Variants in SGCZ observed in about 807,000 individuals in gnomAD.
SGCZ encodes sarcoglycan zeta.
A neutral mutation model predicts 41.3 loss-of-function variants in SGCZ; 40 were observed. The observed-to-expected ratio is 0.97, with a 90% CI of 0.75 to 1.26. The LOEUF (loss-of-function observed/expected upper bound fraction) is 1.26. Ranked by LOEUF, SGCZ falls within the 50% of genes most tolerant of loss-of-function variation. The probability of loss-of-function intolerance (pLI) is 0.00; values close to 1 mark genes in which losing one functional copy is unlikely to be tolerated. For missense variants in SGCZ, 552 were observed against 369.8 expected (o/e 1.49, Z -4.04); for synonymous variants, 206 against 137.5 (o/e 1.50, Z -3.49).
chr8:14,388,613 C>A (rs1189566132), intron 2 of SGCZ, among the ~76,000 whole-genome samples: 2 of 151,728 alleles, frequency 1.3e-5, no homozygotes, highest in Non-Finnish European at 2.9e-5. Flanking sequence ...ATGTTGAAAC[C>A]AGGCCAGGAA....
intron 1 of SGCZ, among the ~76,000 whole-genome samples, chr8:14,725,133 A>G (rs1810009184): frequency 6.6e-6 from 1 of 152,162 alleles, no homozygotes; most frequent in Non-Finnish European, 1.5e-5. Flanking sequence ...TTCACTTAAC[A>G]TAATGCTGTC....
intron 4 of SGCZ, among the ~76,000 whole-genome samples, chr8:14,171,268 C>G (rs1485134429): frequency 1.3e-5 from 2 of 150,884 alleles, no homozygotes; most frequent in Non-Finnish European, 3.0e-5. Context: ...GTTGTTCATA[C>G]TTCATTTTTC....
intron 3 of SGCZ, among the ~76,000 whole-genome samples, chr8:14,244,750 C>G (rs891404807): frequency 7.9e-5 from 12 of 152,120 alleles, no homozygotes; most frequent in African/African-American, 2.7e-4. Context: ...CCATTTGTTT[C>G]TATCCTCTTT....
intron 1 of SGCZ, among the ~76,000 whole-genome samples, chr8:14,756,754 G>A (rs1799682708): frequency 6.6e-6 from 1 of 152,048 alleles, no homozygotes. Flanking sequence ...TGAAACAAAT[G>A]GGAGAAGACA....
chr8:14,338,439 A>G (rs1252685123), intron 2 of SGCZ, among the ~76,000 whole-genome samples: 2 of 152,046 alleles, frequency 1.3e-5, no homozygotes, highest in East Asian at 3.9e-4. Context: ...GTCCCATCTC[A>G]CCTTTGGACA....
chr8:15,060,945 G>C (rs894459193), intron 1 of SGCZ, among the ~76,000 whole-genome samples: 1 of 152,146 alleles, frequency 6.6e-6, no homozygotes, highest in African/African-American at 2.4e-5. Flanking sequence ...ACAGGGATCA[G>C]CCAGAAATTT....
At chr8:14,885,969 C>T (rs2130732565) in intron 1 of SGCZ, among the ~76,000 whole-genome samples, 1 of 111,924 alleles carries the variant, frequency 8.9e-6, no homozygotes, top group East Asian at 2.9e-4. Flanking sequence ...CTTTTTTAAT[C>T]ATAAAGGACT....
At position 14,237,669 on chromosome 8, in the gene SGCZ, A is replaced by G. The variant is rs774988182; in HGVS notation, c.347T>C (p.Leu116Pro). The G allele has an allele frequency of 6.2e-7, 1 of 1,613,748 alleles. No homozygotes were observed. Among genetic ancestry groups the G allele is most frequent in the Non-Finnish European group, 8.5e-7 (1 of 1,179,704 alleles). The change falls in exon 4 of 8, where the codon CTG (leucine) becomes CCG (proline). Residue 116 changes from leucine (L) to proline (P), a missense_variant. Transcript: ENST00000382080. The stretch of plus-strand genomic sequence containing the variant: ...GACATTCCTGTCAGACTGTAAGACC[A>G]GCGGACTATCCTGGGAAACATGTAT... ...KEIHSRKDSP[L>P]VLQSDRNVTV...
intron 2 of SGCZ, among the ~76,000 whole-genome samples, chr8:14,379,780 G>A (rs922525311): frequency 6.6e-6 from 1 of 152,044 alleles, no homozygotes; most frequent in Non-Finnish European, 1.5e-5. Context: ...TGCCCAGGCT[G>A]GAGTACAGTG....
chr8:14,185,112 T>G (rs1585210698), intron 4 of SGCZ, among the ~76,000 whole-genome samples: 1 of 152,166 alleles, frequency 6.6e-6, no homozygotes, highest in South Asian at 2.1e-4. Flanking sequence ...CAATCAAATC[T>G]GGCTTTCACC....
intron 4 of SGCZ, among the ~76,000 whole-genome samples, chr8:14,188,908 TGCAACCTCCATCACCCGGGTTCGA>T (rs1159825465): frequency 3.2e-4 from 49 of 151,010 alleles, no homozygotes; most frequent in Non-Finnish European, 5.6e-4. Flanking sequence ...CTCGTCTCAT[TGCAACCTCCATCACCCGGGTTCGA>T]GCAACCTCCA....
At chr8:15,089,286 T>C (rs1229923482) in intron 1 of SGCZ, among the ~76,000 whole-genome samples, 1 of 152,172 alleles carries the variant, frequency 6.6e-6, no homozygotes, top group African/African-American at 2.4e-5. Context: ...TTATATTAAG[T>C]AGAACAGAAA....
intron 1 of SGCZ, among the ~76,000 whole-genome samples, chr8:15,201,352 A>G (rs75346510): frequency 0.046 from 6,930 of 152,178 alleles, 202 homozygotes; most frequent in Middle Eastern, 0.068. Flanking sequence ...GAGAAGATAC[A>G]CCAGGTACCT....
chr8:14,253,477 T>C (rs1009116148), intron 3 of SGCZ, among the ~76,000 whole-genome samples: 2 of 152,144 alleles, frequency 1.3e-5, no homozygotes, highest in African/African-American at 2.4e-5. Flanking sequence ...AAACAAGTAA[T>C]CTTTATGCCT....
At chr8:14,430,821 A>G (rs1458443753) in intron 2 of SGCZ, among the ~76,000 whole-genome samples, 2 of 152,206 alleles carry the variant, frequency 1.3e-5, no homozygotes, top group African/African-American at 2.4e-5. Context: ...TAAAGCTCCT[A>G]GAACTTACGT....
intron 1 of SGCZ, among the ~76,000 whole-genome samples, chr8:14,892,202 T>G (rs1265523824): frequency 6.6e-6 from 1 of 152,170 alleles, no homozygotes; most frequent in East Asian, 1.9e-4. Context: ...TCACTTTACT[T>G]TATTAGGCCC....
intron 1 of SGCZ, among the ~76,000 whole-genome samples, chr8:14,996,455 G>A (rs1043780012): frequency 6.6e-5 from 10 of 152,110 alleles, no homozygotes; most frequent in Admixed American, 4.6e-4. Flanking sequence ...AGGCTGGAGT[G>A]TAATGGTGCA....
intron 1 of SGCZ, among the ~76,000 whole-genome samples, chr8:14,589,149 C>T (rs928883543): frequency 5.3e-5 from 8 of 151,942 alleles, no homozygotes; most frequent in African/African-American, 2.4e-5. Flanking sequence ...CAAACCTGCA[C>T]GTTGTGCACA....
intron 2 of SGCZ, among the ~76,000 whole-genome samples, chr8:14,410,413 A>C (rs1162126909): frequency 6.6e-6 from 1 of 151,454 alleles, no homozygotes; most frequent in Non-Finnish European, 1.5e-5. Context: ...AAAAAAAAAC[A>C]GAAAAGGCTG....
Sources: gnomAD v4.1 joint callset for allele counts (sites outside exome capture counted in the v4.1 genomes callset) on GRCh38, gnomAD v4.1.1 for gene constraint, MANE v1.5 for transcripts, NCBI Gene and HGNC (gene_info 2026-07-23, HGNC 2026-07-21) for gene names.